Variants in SFMBT1 observed in about 807,000 individuals in gnomAD.
The protein encoded by SFMBT1 is Scm like with four mbt domains 1, also known as scm-like with four MBT domains protein 1.
A neutral mutation model predicts 108.7 loss-of-function variants in SFMBT1; 32 were observed. The observed-to-expected ratio is 0.29, with a 90% CI of 0.22 to 0.40. The LOEUF (loss-of-function observed/expected upper bound fraction) is 0.40. Among genes scored for constraint, SFMBT1 ranks in the 10% least tolerant of loss-of-function variants. SFMBT1 has a pLI of 1.00. For synonymous variants in SFMBT1, 348 were observed against 369.5 expected (o/e 0.94, Z 0.67); for missense variants, 816 against 1,059.6 (o/e 0.77, Z 3.19).
chr3:52,926,747 G>A (rs1411795844), intron 9 of SFMBT1, among the ~76,000 whole-genome samples: 1 of 152,108 alleles, frequency 6.6e-6, no homozygotes, highest in African/African-American at 2.4e-5. Flanking sequence ...CCAAGCTGCT[G>A]CTGACTCAGC....
intron 17 of SFMBT1, among the ~76,000 whole-genome samples, chr3:52,908,219 A>G (rs1702124286): frequency 6.6e-6 from 1 of 151,118 alleles, no homozygotes; most frequent in South Asian, 2.1e-4. Context: ...GATTACAGGC[A>G]CACACCACCA....
At chr3:52,930,237 G>A (rs1465781367) in intron 8 of SFMBT1, 92 bp downstream of exon 8, 2 of 786,716 alleles carry the variant, frequency 2.5e-6, no homozygotes, top group African/African-American at 3.5e-5. Context: ...AAATGGGTTG[G>A]ATCAATAGAG....
chr3:53,035,329 G>A (rs1699835094), intron 1 of SFMBT1, among the ~76,000 whole-genome samples: 1 of 151,008 alleles, frequency 6.6e-6, no homozygotes, highest in African/African-American at 2.4e-5. Flanking sequence ...GGGATTTTAT[G>A]TGACTAAAAT....
intron 1 of SFMBT1, among the ~76,000 whole-genome samples, chr3:52,980,771 C>A (rs1704683580): frequency 6.6e-6 from 1 of 151,986 alleles, no homozygotes; most frequent in African/African-American, 2.4e-5. Context: ...GTTGAAAATG[C>A]AGCTTTTATG....
intron 2 of SFMBT1, among the ~76,000 whole-genome samples, chr3:52,956,237 A>G (rs1349475654): frequency 1.3e-5 from 2 of 152,150 alleles, no homozygotes; most frequent in African/African-American, 4.8e-5. Context: ...CGCGGCAGGC[A>G]GATCACGAGG....
intron 1 of SFMBT1, among the ~76,000 whole-genome samples, chr3:53,037,189 G>A (rs1699895538): frequency 6.6e-6 from 1 of 152,218 alleles, no homozygotes. Context: ...GCGGGATCAT[G>A]CAGCCCTCCT....
At chr3:52,948,133 C>G (rs906678258) in intron 3 of SFMBT1, among the ~76,000 whole-genome samples, 1 of 152,210 alleles carries the variant, frequency 6.6e-6, no homozygotes, top group Non-Finnish European at 1.5e-5. Context: ...TTAGAACTAA[C>G]ATACACCTGG....
At chr3:52,996,967 G>A (rs2106905600) in intron 1 of SFMBT1, among the ~76,000 whole-genome samples, 1 of 149,994 alleles carries the variant, frequency 6.7e-6, no homozygotes, top group Admixed American at 6.7e-5. Flanking sequence ...TACTCCGGAG[G>A]CTGAGGCAGA....
intron 6 of SFMBT1, 105 bp downstream of exon 6, chr3:52,931,957 T>C: frequency 7.8e-7 from 1 of 1,286,652 alleles, no homozygotes; most frequent in East Asian, 2.5e-5. Flanking sequence ...TTATGAGAAC[T>C]AACAAAGGTT....
intron 1 of SFMBT1, among the ~76,000 whole-genome samples, chr3:52,993,491 C>G (rs766762907): frequency 6.7e-6 from 1 of 149,968 alleles, no homozygotes; most frequent in Non-Finnish European, 1.5e-5. Context: ...AATTTCTATA[C>G]CTTTAAGGGA....
chr3:53,017,192 G>C (rs549915731), intron 1 of SFMBT1, among the ~76,000 whole-genome samples: 7 of 152,248 alleles, frequency 4.6e-5, no homozygotes, highest in African/African-American at 1.7e-4. Flanking sequence ...CAAGCTGTTA[G>C]AAGATAAAGA....
chr3:53,036,993 G>A (rs972924789), intron 1 of SFMBT1, among the ~76,000 whole-genome samples: 6 of 152,176 alleles, frequency 3.9e-5, no homozygotes, highest in Admixed American at 6.5e-5. Context: ...GATAAAAGAC[G>A]AGGCATAGGG....
At chr3:52,980,533 C>A (rs1165360561) in intron 1 of SFMBT1, among the ~76,000 whole-genome samples, 1 of 151,518 alleles carries the variant, frequency 6.6e-6, no homozygotes, top group African/African-American at 2.4e-5. Flanking sequence ...TTTCAAGAAG[C>A]AGAAAGAAGT....
intron 1 of SFMBT1, among the ~76,000 whole-genome samples, chr3:53,002,178 A>G (rs1394838717): frequency 6.7e-6 from 1 of 149,732 alleles, no homozygotes; most frequent in Non-Finnish European, 1.5e-5. Flanking sequence ...AGGCAGGTGG[A>G]TCACGGGGTT....
chr3:53,024,198 T>C (rs1186624125), intron 1 of SFMBT1, among the ~76,000 whole-genome samples: 6 of 152,228 alleles, frequency 3.9e-5, no homozygotes, highest in Admixed American at 3.9e-4. Flanking sequence ...TGTCTGCGTG[T>C]CACAGTCGGG....
At chr3:52,947,826 C>T (rs1023414156) in intron 3 of SFMBT1, among the ~76,000 whole-genome samples, 1 of 152,026 alleles carries the variant, frequency 6.6e-6, no homozygotes, top group African/African-American at 2.4e-5. Flanking sequence ...CCTCTGCCTC[C>T]CGGGCTCAAG....
rs558465795 is a variant in SFMBT1 at position 52,943,682 on chromosome 3, G to A, written c.124-89C>T. On this transcript the variant is annotated intron_variant, in intron 3 of 20. Coordinates refer to ENST00000394752, the MANE Select transcript of SFMBT1 (RefSeq NM_016329.4). Reference sequence around the variant, plus strand: ...GTTCTTTTTTAAGACTTACAATTCCGAAGCACTAAATGCAATAACATCTCA... The same window carrying A: ...GTTCTTTTTTAAGACTTACAATTCCAAAGCACTAAATGCAATAACATCTCA... 65 of 1,533,610 alleles carry A rather than the reference G, an allele frequency of 4.2e-5. No individual in the cohort carries two copies. The Middle Eastern group carries it at 6.8e-4, about 16-fold the overall frequency.
At chr3:52,974,833 T>TAA (rs10646648) in intron 1 of SFMBT1, among the ~76,000 whole-genome samples, 25,761 of 90,428 alleles carry the variant, frequency 0.28, 2,988 homozygotes, top group East Asian at 0.36. Flanking sequence ...CTATAAAAAG[T>TAA]AAAAAAAAAA....
At chr3:52,913,760 A>T in intron 14 of SFMBT1, 143 bp from the exon 15 acceptor site, 1 of 888,132 alleles carries the variant, frequency 1.1e-6, no homozygotes, top group South Asian at 1.8e-5. Context: ...GAAGCTTAAC[A>T]TGTTGTCTGA....
Sources: gnomAD v4.1 joint callset for allele counts (sites outside exome capture counted in the v4.1 genomes callset) on GRCh38, gnomAD v4.1.1 for gene constraint, MANE v1.5 for transcripts, NCBI Gene and HGNC (gene_info 2026-07-23, HGNC 2026-07-21) for gene names.